LRP1B: variants seen among roughly 807,000 people sequenced by gnomAD.
LRP1B encodes low-density lipoprotein receptor-related protein 1B.
In LRP1B, 217 loss-of-function variants were observed where a neutral mutation model predicts 556.6. The observed-to-expected ratio is 0.39, with a 90% CI of 0.35 to 0.44. The LOEUF is 0.44. Among genes scored for constraint, LRP1B ranks in the 20% least tolerant of loss-of-function variants. The pLI is 1.00. For synonymous variants in LRP1B, 2,047 were observed against 1,865.8 expected, an observed-to-expected ratio of 1.10 and a Z score of -2.50; for missense variants, 5,053 against 5,620.8, an observed-to-expected ratio of 0.90 and a Z score of 3.23.
chr2:142,076,578 C>T (rs192383366), intron 1 of LRP1B, among the ~76,000 whole-genome samples: 5 of 152,176 alleles, frequency 3.3e-5, no homozygotes, highest in African/African-American at 9.6e-5. Flanking sequence ...CAAAGTTCCA[C>T]ATCAAAAGAG....
intron 20 of LRP1B, among the ~76,000 whole-genome samples, chr2:140,946,310 A>G (rs1695545672): frequency 6.6e-6 from 1 of 152,162 alleles, no homozygotes; most frequent in Non-Finnish European, 1.5e-5. Flanking sequence ...TCAAAGGAGT[A>G]AAAACAGGTT....
chr2:141,978,856 G>A (rs1377951931), intron 1 of LRP1B, among the ~76,000 whole-genome samples: 1 of 151,952 alleles, frequency 6.6e-6, no homozygotes, highest in Non-Finnish European at 1.5e-5. Context: ...ATGTGCATAT[G>A]TACGTTTTGT....
At chr2:141,649,325 C>A (rs1170835715) in intron 2 of LRP1B, among the ~76,000 whole-genome samples, 1 of 152,078 alleles carries the variant, frequency 6.6e-6, no homozygotes, top group Admixed American at 6.6e-5. Flanking sequence ...GGTATAGGAC[C>A]AAACTTTGAA....
At chr2:141,288,868 G>A (rs889122245) in intron 3 of LRP1B, among the ~76,000 whole-genome samples, 1 of 152,066 alleles carries the variant, frequency 6.6e-6, no homozygotes, top group Non-Finnish European at 1.5e-5. Flanking sequence ...AGAGAATAGC[G>A]ATCCCTACTG....
At chr2:140,867,553 T>C in intron 27 of LRP1B, 37 bp downstream of exon 27, 2 of 1,570,518 alleles carry the variant, frequency 1.3e-6, no homozygotes, top group Non-Finnish European at 8.6e-7. Context: ...TGATAATACT[T>C]TCTGGGTGGT....
chr2:140,568,404 C>T (rs1048463644), intron 43 of LRP1B, among the ~76,000 whole-genome samples: 1 of 151,418 alleles, frequency 6.6e-6, no homozygotes, highest in African/African-American at 2.4e-5. Context: ...ATTTCTTAAT[C>T]TGAAGATAGA....
At chr2:140,690,470 T>C (rs1167007588) in intron 41 of LRP1B, among the ~76,000 whole-genome samples, 1 of 152,146 alleles carries the variant, frequency 6.6e-6, no homozygotes, top group Non-Finnish European at 1.5e-5. Context: ...TATTAACCTT[T>C]CTTTTGTCAG....
intron 41 of LRP1B, among the ~76,000 whole-genome samples, chr2:140,664,136 A>G (rs1008089854): frequency 6.6e-6 from 1 of 152,216 alleles, no homozygotes; most frequent in Non-Finnish European, 1.5e-5. Flanking sequence ...AGTAAGATCA[A>G]AAATCACTGA....
chr2:141,532,293 T>C (rs1684912543), intron 2 of LRP1B, among the ~76,000 whole-genome samples: 1 of 151,858 alleles, frequency 6.6e-6, no homozygotes, highest in South Asian at 2.1e-4. Context: ...GGCTCTTTCC[T>C]GCCTATCTAG....
At chr2:140,586,823 A>G (rs1682004657) in intron 43 of LRP1B, 1 of 152,212 alleles carries the variant, frequency 6.6e-6, no homozygotes, top group Non-Finnish European at 1.5e-5. Context: ...TTCAAACAAA[A>G]TTACTCATCA....
At chr2:141,818,531 C>CTTTTTTTTTTTTTTTTTTTTTTTTTT (rs70994453) in intron 1 of LRP1B, among the ~76,000 whole-genome samples, 1 of 82,070 alleles carries the variant, frequency 1.2e-5, no homozygotes, top group Non-Finnish European at 2.1e-5. Flanking sequence ...ATTTCTGTAT[C>CTTTTTTTTTTTTTTTTTTTTTTTTTT]TTTTTTTTTT....
intron 2 of LRP1B, among the ~76,000 whole-genome samples, chr2:141,523,847 T>C (rs1018526642): frequency 6.6e-6 from 1 of 152,192 alleles, no homozygotes; most frequent in African/African-American, 2.4e-5. Flanking sequence ...TTACGATTCA[T>C]GGATTCTTTT....
chr2:142,096,676 C>T (rs1050661557), intron 1 of LRP1B, among the ~76,000 whole-genome samples: 2 of 151,506 alleles, frequency 1.3e-5, no homozygotes, highest in African/African-American at 4.8e-5. Flanking sequence ...TCCACAGAGG[C>T]CTTACAAAGT....
At chr2:140,460,953 A>T (rs1375564334) in intron 60 of LRP1B, among the ~76,000 whole-genome samples, 1 of 151,914 alleles carries the variant, frequency 6.6e-6, no homozygotes, top group Non-Finnish European at 1.5e-5. Flanking sequence ...CAATGTAATT[A>T]TGACAAATAG....
At chr2:141,561,717 T>A (rs1686159821) in intron 2 of LRP1B, among the ~76,000 whole-genome samples, 1 of 151,856 alleles carries the variant, frequency 6.6e-6, no homozygotes, top group Non-Finnish European at 1.5e-5. Context: ...AATCTGTAAT[T>A]AAAGTGATAA....
intron 41 of LRP1B, among the ~76,000 whole-genome samples, chr2:140,645,297 G>T (rs527361231): frequency 6.6e-6 from 1 of 151,942 alleles, no homozygotes; most frequent in Non-Finnish European, 1.5e-5. Context: ...TATTATATAT[G>T]AATATGTAAG....
chr2:141,749,453 A>G (rs1450082653), intron 2 of LRP1B, among the ~76,000 whole-genome samples: 3 of 152,178 alleles, frequency 2.0e-5, no homozygotes, highest in Non-Finnish European at 4.4e-5. Flanking sequence ...AAGAAATGGC[A>G]CTATTGGTGA....
chr2:140,808,231 T>C (rs1331049947), intron 32 of LRP1B, among the ~76,000 whole-genome samples: 1 of 52,820 alleles, frequency 1.9e-5, no homozygotes, highest in African/African-American at 4.2e-5. Context: ...CACTGGAGAA[T>C]AGGAGAAGCA....
chr2:141,701,696 G>C (rs1053749228), intron 2 of LRP1B, among the ~76,000 whole-genome samples: 1 of 151,744 alleles, frequency 6.6e-6, no homozygotes, highest in Non-Finnish European at 1.5e-5. Flanking sequence ...TTTTCAAAAC[G>C]AATCTACAGG....
Sources: gnomAD v4.1 joint callset for allele counts (sites outside exome capture counted in the v4.1 genomes callset) on GRCh38, gnomAD v4.1.1 for gene constraint, MANE v1.5 for transcripts, NCBI Gene and HGNC (gene_info 2026-07-23, HGNC 2026-07-21) for gene names.